NFRKB: variants seen among roughly 807,000 people sequenced by gnomAD.
NFRKB encodes the protein nuclear factor related to kappa-B-binding protein.
Under a neutral mutation model 135.7 loss-of-function variants are expected in NFRKB, and 62 were observed. The observed-to-expected ratio is 0.46, with a 90% CI of 0.37 to 0.56. The LOEUF (loss-of-function observed/expected upper bound fraction) is 0.56. NFRKB is among the 20% of genes least tolerant of loss of function. The probability of loss-of-function intolerance (pLI) is 0.00; values close to 1 mark genes in which losing one functional copy is unlikely to be tolerated. For missense variants in NFRKB, 1,545 were observed against 1,662.0 expected, an observed-to-expected ratio of 0.93 and a Z score of 1.22; for synonymous variants, 678 against 635.6, an observed-to-expected ratio of 1.07 and a Z score of -1.00.
chr11:129,886,222 C>T (rs1005217802), intron 5 of NFRKB, 95 bp downstream of exon 5: 13 of 1,417,036 alleles, frequency 9.2e-6, no homozygotes, highest in East Asian at 6.9e-5. Context: ...TTTTTTTCTT[C>T]GTGGCAATTT....
In NFRKB at chr11:129,884,728, G is replaced by A. The variant is rs376840596; in HGVS notation, c.742+17C>T. The A allele has an allele frequency of 1.5e-5, 24 of 1,612,884 alleles. No homozygotes were observed. Among genetic ancestry groups the A allele is most frequent in the Middle Eastern group, 1.9e-4 (1 of 5,350 alleles). ...CGCAATGTCCCAGAATGGTGACAGC[G>A]GCAGCTTGGTTCTCACCTGCAGTTT... On this transcript the variant is annotated intron_variant, in intron 7 of 26. Transcript: ENST00000682444.
In NFRKB at chr11:129,874,292, A is replaced by G. The variant is rs774828007; in HGVS notation, c.2100T>C (p.Ser700=). The part of the protein sequence containing the change: ...SKESSIKVLS[S]GPSEQSQMSL... ...TCATCTGGCTCTGCTCAGAAGGGCC[A>G]CTGCTAAGGACCTTTATGGAGCTCT... Residue 700 remains serine (S), a synonymous_variant, in exon 21 of 27, where the codon AGT becomes AGC. Coordinates refer to ENST00000682444, the MANE Select transcript of NFRKB (RefSeq NM_001143835.2). The surrounding 1 kb of genome is among the most constrained non-coding windows in gnomAD (Gnocchi z 4.5). 6.6e-7 allele frequency: 1 copy of G among 1,516,246 alleles called. No individual in the cohort carries two copies. Among genetic ancestry groups the G allele is most frequent in the Non-Finnish European group, 8.8e-7 (1 of 1,134,416 alleles). 93.9% of individuals were successfully genotyped at this position (1,516,246 alleles called of 1,614,324 possible). A position where few individuals can be genotyped will look rare whatever the true frequency, so the allele number is the denominator to read the frequency against.
chr11:129,887,466 G>A (rs1345088559), intron 4 of NFRKB, among the ~76,000 whole-genome samples: 4 of 152,098 alleles, frequency 2.6e-5, no homozygotes, highest in Admixed American at 1.3e-4. Context: ...TGACACAATG[G>A]GAAAGACCAC....
intron 16 of NFRKB, 88 bp from the exon 17 acceptor site, chr11:129,876,983 G>T: frequency 7.9e-7 from 1 of 1,260,652 alleles, no homozygotes. Context: ...GATCCACATG[G>T]AACAATTAAA....
At chr11:129,866,107 C>T in intron 24 of NFRKB, 124 bp from the exon 25 acceptor site, 4 of 754,530 alleles carry the variant, frequency 5.3e-6, no homozygotes, top group Non-Finnish European at 8.3e-6. Context: ...CAGTACCCAC[C>T]AGGGTCTCAA....
chr11:129,894,922 A>C (rs1418612987), intron 1 of NFRKB, among the ~76,000 whole-genome samples: 1 of 152,222 alleles, frequency 6.6e-6, no homozygotes, highest in Admixed American at 6.5e-5. Flanking sequence ...ACTTGCTCAC[A>C]AGTTTCTTCA....
intron 17 of NFRKB, 114 bp downstream of exon 17, chr11:129,876,607 T>C: frequency 1.7e-6 from 2 of 1,189,360 alleles, no homozygotes; most frequent in Non-Finnish European, 2.3e-6. Flanking sequence ...CTATGCCTTG[T>C]TCTCAAAGCC....
In NFRKB at chr11:129,882,601, T is replaced by A; in HGVS notation, c.932A>T (p.Lys311Met). 6.2e-7 allele frequency: 1 copy of A among 1,609,602 alleles called. No individual in the cohort carries two copies. The highest frequency in any genetic ancestry group is 8.5e-7 in the Non-Finnish European group (1 of 1,177,746). The change falls in exon 10 of 27, where the codon AAG becomes ATG. Residue 311 changes from lysine (K) to methionine (M), a missense_variant. Transcript: ENST00000682444. Reference protein sequence around the residue: ...ALYDLAVLKKKVKEKEEKKKK... With the variant: ...ALYDLAVLKKMVKEKEEKKKK... ...CTTCTTTTCCTCTTTTTCCTTAACCTTTTTTTTAAGGACAGCCAAGTCATA... is the reference window on the plus strand; with the variant it reads ...CTTCTTTTCCTCTTTTTCCTTAACCATTTTTTTAAGGACAGCCAAGTCATA...
chr11:129,882,422 G>C (rs756840017), intron 10 of NFRKB, 29 bp downstream of exon 10: 1 of 1,608,554 alleles, frequency 6.2e-7, no homozygotes, highest in Non-Finnish European at 8.5e-7. Context: ...TTCACCCTGA[G>C]AATTACAGAA....
In NFRKB at chr11:129,874,037, G is replaced by A. The variant is rs996547269; in HGVS notation, c.2280-22C>T. 8.7e-6 allele frequency: 14 copies of A among 1,600,792 alleles called. No individual in the cohort carries two copies. The highest frequency in any genetic ancestry group is 1.1e-5 in the Non-Finnish European group (13 of 1,170,688). On this transcript the variant is annotated intron_variant, in intron 21 of 26. Coordinates refer to ENST00000682444, the MANE Select transcript of NFRKB (RefSeq NM_001143835.2). The surrounding 1 kb of genome is among the most constrained non-coding windows in gnomAD (Gnocchi z 4.5). ...AACACTATGAAGAACATCGGGGAAA[G>A]ACAAAAAACAAAAACTTAGGACATG...
At chr11:129,890,284 C>T (rs940290079) in intron 3 of NFRKB, among the ~76,000 whole-genome samples, 3 of 152,134 alleles carry the variant, frequency 2.0e-5, no homozygotes, top group African/African-American at 7.2e-5. Context: ...CCAGGATCTT[C>T]CCCTGCAAGC....
chr11:129,874,624 C>G lies in NFRKB; in HGVS notation c.1979-44G>C. 1 of 1,608,016 alleles carries G rather than the reference C, an allele frequency of 6.2e-7. No individual in the cohort carries two copies. The highest frequency in any genetic ancestry group is 8.5e-7 in the Non-Finnish European group (1 of 1,177,588). On this transcript the variant is annotated intron_variant, in intron 19 of 26. Transcript: ENST00000682444. The surrounding 1 kb of genome is among the most constrained non-coding windows in gnomAD (Gnocchi z 4.5). ...AGCTTCAGCCAGAGTTTAACCTTAGCAAACTAAAAAGAGGGGCTTTGTTAA... is the reference window on the plus strand; with the variant it reads ...AGCTTCAGCCAGAGTTTAACCTTAGGAAACTAAAAAGAGGGGCTTTGTTAA...
rs1259706566 is a variant in NFRKB at position 129,864,023 on chromosome 11, G to A, written c.*702C>T. ...AGCTGGGGGGGGCGGCCACAATCAA[G>A]ATCCCAACACCCCTATCTTTAAGAG... On this transcript the variant is annotated 3_prime_UTR_variant, in exon 27 of 27. Coordinates refer to ENST00000682444, the MANE Select transcript of NFRKB (RefSeq NM_001143835.2). 6.6e-6 allele frequency: 1 copy of A among 152,300 alleles called. No individual in the cohort carries two copies. Among genetic ancestry groups the A allele is most frequent in the East Asian group, 1.9e-4 (1 of 5,186 alleles). 9.4% of individuals were successfully genotyped at this position (152,300 alleles called of 1,614,324 possible).
In NFRKB at chr11:129,886,354, A is replaced by T; in HGVS notation, c.428T>A (p.Phe143Tyr). 1 of 1,614,188 alleles carries T rather than the reference A, an allele frequency of 6.2e-7. No individual in the cohort carries two copies. ...AAGAATTTGCTTCAGCAGCCGATGG[A>T]AATACTGCTGCTGGGAGTTGAGGTA... ...KRYLNSQQQY[F>Y]HRLLKQILAS... Residue 143 changes from phenylalanine to tyrosine, a missense_variant, in exon 5 of 27, where the codon TTC becomes TAC. This residue lies in a region of NFRKB where 678 missense variants were observed against 646.7 expected (regional missense o/e 1.05). Transcript: ENST00000682444.
At chr11:129,871,850 CCT>C (rs959254583) in intron 23 of NFRKB, among the ~76,000 whole-genome samples, 14 of 152,156 alleles carry the variant, frequency 9.2e-5, no homozygotes, top group Admixed American at 5.9e-4. Flanking sequence ...AGTGGTTCCC[CCT>C]CACATTTAAA....
intron 26 of NFRKB, 41 bp from the exon 27 acceptor site, chr11:129,864,891 C>T (rs754002031): frequency 1.9e-6 from 3 of 1,613,862 alleles, no homozygotes; most frequent in South Asian, 2.2e-5. Flanking sequence ...GGATTGCAAG[C>T]GGGCTCACCA....
In NFRKB at chr11:129,884,074, T is replaced by C. The variant is rs1256633789; in HGVS notation, c.812A>G (p.Gln271Arg). Residue 271 changes from glutamine (Q) to arginine (R), a missense_variant, in exon 8 of 27, where the codon CAG (glutamine) becomes CGG (arginine). Coordinates refer to ENST00000682444, the MANE Select transcript of NFRKB (RefSeq NM_001143835.2). ...CGCACGCCCTTCCCATCTTACTGGC[T>C]GATGTTTCCGCTTCTCGTGGTGCTT... is the stretch of plus-strand genomic sequence containing the variant. ...LKKHHEKRKH[Q>R]PDHPDLLTGD... 6.2e-7 allele frequency: 1 copy of C among 1,614,204 alleles called. No individual in the cohort carries two copies. The highest frequency in any genetic ancestry group is 8.5e-7 in the Non-Finnish European group (1 of 1,180,012).
In NFRKB at chr11:129,864,827, T is replaced by C. The variant is rs746338407; in HGVS notation, c.3798A>G (p.Ala1266=). The part of the protein sequence containing the change: ...ATQVRIQTVP[A]SHLQQGTASG... ...AAGCTGTTCCCTGTTGGAGATGGGA[T>C]GCAGGGACAGTCTGGATGCGCACCT... Residue 1266 remains alanine (A), a synonymous_variant, in exon 27 of 27, where the codon GCA becomes GCG. Coordinates refer to ENST00000682444, the MANE Select transcript of NFRKB (RefSeq NM_001143835.2). 11 of 1,614,052 alleles carry C rather than the reference T, an allele frequency of 6.8e-6. No individual in the cohort carries two copies. Among genetic ancestry groups the C allele is most frequent in the Middle Eastern group, 1.6e-4 (1 of 6,084 alleles).
At position 129,877,309 on chromosome 11, in the gene NFRKB, GC is replaced by G; in HGVS notation, c.1572+15del. The G allele has an allele frequency of 6.2e-7, 1 of 1,613,610 alleles. No homozygotes were observed. Among genetic ancestry groups the G allele is most frequent in the Non-Finnish European group, 8.5e-7 (1 of 1,179,544 alleles). On this transcript the variant is annotated intron_variant, in intron 16 of 26. Transcript: ENST00000682444. ...CTCACAGAGGCAGAGACTTACACTG[GC>G]TTTTAGGTTCTTACCTGCTCCTGAA...
Sources: allele counts gnomAD v4.1 joint callset (sites outside exome capture counted in the v4.1 genomes callset), GRCh38; gene constraint gnomAD v4.1.1; regional missense constraint gnomAD v4.1.1; non-coding constraint Gnocchi (gnomAD v3.1); transcripts MANE v1.5; gene names NCBI Gene and HGNC (gene_info 2026-07-23, HGNC 2026-07-21).